MYO1D: variants seen among roughly 807,000 people sequenced by gnomAD.
MYO1D encodes myosin ID, also known as unconventional myosin-Id.
Under a neutral mutation model 122.0 loss-of-function variants are expected in MYO1D, and 83 were observed. The ratio of observed to expected loss-of-function variants is 0.68; its 90% CI spans 0.57 to 0.82. The LOEUF is 0.82. Among genes scored for constraint, MYO1D ranks in the 40% least tolerant of loss-of-function variants. The pLI is 0.00. For missense variants in MYO1D, 1,157 were observed against 1,269.5 expected, an observed-to-expected ratio of 0.91 and a Z score of 1.35; for synonymous variants, 464 against 446.9, an observed-to-expected ratio of 1.04 and a Z score of -0.48.
At chr17:32,642,251 T>C (rs2088212659) in intron 19 of MYO1D, among the ~76,000 whole-genome samples, 1 of 152,196 alleles carries the variant, frequency 6.6e-6, no homozygotes, top group Admixed American at 6.5e-5. Flanking sequence ...AGATGTGTGG[T>C]ATTATTTCTG....
At chr17:32,782,850 G>A (rs781197706) in intron 1 of MYO1D, among the ~76,000 whole-genome samples, 5 of 151,884 alleles carry the variant, frequency 3.3e-5, no homozygotes, top group Non-Finnish European at 7.4e-5. Flanking sequence ...CGGGAGGATC[G>A]GTTGAACCTG....
intron 21 of MYO1D, chr17:32,594,412 T>C: frequency 2.3e-6 from 1 of 428,636 alleles, no homozygotes; most frequent in Non-Finnish European, 4.2e-6. Flanking sequence ...ATTTACATTT[T>C]AAAATATCTT....
chr17:32,616,531 A>G (rs1468555679), intron 20 of MYO1D, among the ~76,000 whole-genome samples: 1 of 149,272 alleles, frequency 6.7e-6, no homozygotes, highest in Non-Finnish European at 1.5e-5. Context: ...TGTTGCCCAG[A>G]CTGGTCTTGA....
chr17:32,745,280 GA>G lies in MYO1D; in HGVS notation c.1543del (p.Ser515LeufsTer38). On this transcript the variant is annotated frameshift_variant, in exon 13 of 22. Coordinates refer to ENST00000318217, the MANE Select transcript of MYO1D (RefSeq NM_015194.3). LOFTEE classifies it high-confidence loss of function. ...ATTTTTGTCAATAAAACCAATGACAGAATAGCTAACAGGGAAAAATCACAGA... is the reference window on the plus strand; with the variant it reads ...ATTTTTGTCAATAAAACCAATGACAGATAGCTAACAGGGAAAAATCACAGA... Reference protein sequence around the residue: ...IRHYAGDVVYSVIGFIDKNKD... With the variant: ...IRHYAGDVVYXVIGFIDKNKD... 1.3e-6 allele frequency: 2 copies of G among 1,543,628 alleles called. No individual in the cohort carries two copies. The highest frequency in any genetic ancestry group is 1.8e-6 in the Non-Finnish European group (2 of 1,124,152).
At chr17:32,500,294 T>C (rs1365670845) in intron 21 of MYO1D, among the ~76,000 whole-genome samples, 1 of 152,166 alleles carries the variant, frequency 6.6e-6, no homozygotes, top group East Asian at 1.9e-4. Context: ...TGCAGCCTCA[T>C]GAATGAGGAA....
chr17:32,578,957 A>G (rs1412331172), intron 21 of MYO1D, among the ~76,000 whole-genome samples: 1 of 152,104 alleles, frequency 6.6e-6, no homozygotes, highest in Non-Finnish European at 1.5e-5. Flanking sequence ...TCATATCTAC[A>G]TACCTTTCTG....
chr17:32,723,681 G>A (rs1395725313), intron 14 of MYO1D, among the ~76,000 whole-genome samples: 1 of 152,060 alleles, frequency 6.6e-6, no homozygotes, highest in Non-Finnish European at 1.5e-5. Flanking sequence ...AGAAGCCCGG[G>A]ATTAAAGACT....
chr17:32,696,194 A>G (rs1469254659), intron 16 of MYO1D, among the ~76,000 whole-genome samples: 1 of 152,202 alleles, frequency 6.6e-6, no homozygotes, highest in African/African-American at 2.4e-5. Context: ...ACTTGCAGAC[A>G]AGAGAATATG....
intron 11 of MYO1D, among the ~76,000 whole-genome samples, chr17:32,749,593 G>T (rs1475629637): frequency 6.6e-6 from 1 of 152,036 alleles, no homozygotes; most frequent in Non-Finnish European, 1.5e-5. Context: ...TAGGCGTGGT[G>T]GTATGCATCT....
intron 14 of MYO1D, among the ~76,000 whole-genome samples, chr17:32,729,740 C>T (rs997288827): frequency 7.2e-5 from 11 of 151,956 alleles, no homozygotes; most frequent in Non-Finnish European, 1.6e-4. Flanking sequence ...GACTTGGGTA[C>T]CAAAGTTAGA....
intron 1 of MYO1D, among the ~76,000 whole-genome samples, chr17:32,852,000 C>T (rs956362021): frequency 3.3e-5 from 5 of 152,240 alleles, no homozygotes; most frequent in African/African-American, 9.6e-5. Flanking sequence ...CTGTTAGTTT[C>T]TCTCGTACCA....
chr17:32,636,848 T>C (rs1364602832), intron 20 of MYO1D, among the ~76,000 whole-genome samples: 2 of 152,216 alleles, frequency 1.3e-5, no homozygotes, highest in African/African-American at 2.4e-5. Context: ...TGAGGGCAGC[T>C]TTTTGACAAA....
intron 1 of MYO1D, among the ~76,000 whole-genome samples, chr17:32,860,937 G>A (rs561510309): frequency 6.6e-6 from 1 of 152,196 alleles, no homozygotes; most frequent in East Asian, 1.9e-4. Flanking sequence ...CCTCAAATCA[G>A]TGTTAGCCCA....
rs568932594 is a variant in MYO1D at position 32,859,810 on chromosome 17, A to C, written c.95+16968T>G. On this transcript the variant is annotated intron_variant, in intron 1 of 21. Transcript: ENST00000318217. ...GCTTGTAAAACTGTGTAGAGGAGGC[A>C]CTTTTGGTTGCCTATCCAATATCCT... Among the ~76,000 whole-genome samples, 51 of 151,722 alleles carry C rather than the reference A, an allele frequency of 3.4e-4. No individual in the cohort carries two copies. In the South Asian group the frequency reaches 6.3e-3, roughly 19 times the overall value.
At chr17:32,832,920 G>A (rs1212650681) in intron 1 of MYO1D, among the ~76,000 whole-genome samples, 2 of 152,296 alleles carry the variant, frequency 1.3e-5, no homozygotes, top group East Asian at 3.9e-4. Flanking sequence ...AAAACAATCT[G>A]AAATTTCTCC....
At chr17:32,630,229 T>A (rs2087986222) in intron 20 of MYO1D, among the ~76,000 whole-genome samples, 1 of 152,126 alleles carries the variant, frequency 6.6e-6, no homozygotes, top group African/African-American at 2.4e-5. Flanking sequence ...AGTATTCAGA[T>A]CTGTTTCTTT....
chr17:32,505,179 C>T (rs1309865445), intron 21 of MYO1D: 1 of 152,378 alleles, frequency 6.6e-6, no homozygotes, highest in African/African-American at 2.4e-5. Context: ...CTGCCATCGT[C>T]CCCAGAGCTT....
At chr17:32,632,296 T>C (rs2088018261) in intron 20 of MYO1D, 2 of 152,126 alleles carry the variant, frequency 1.3e-5, no homozygotes, top group Admixed American at 6.5e-5. Context: ...ATATGGCCTA[T>C]AGACATGTTT....
chr17:32,512,260 AC>A (rs1909721508), intron 21 of MYO1D, among the ~76,000 whole-genome samples: 1 of 151,946 alleles, frequency 6.6e-6, no homozygotes, highest in Non-Finnish European at 1.5e-5. Flanking sequence ...AGATGGCGCC[AC>A]TGCCTTCCAG....
Sources: gnomAD v4.1 joint callset for allele counts (sites outside exome capture counted in the v4.1 genomes callset) on GRCh38, gnomAD v4.1.1 for gene constraint, MANE v1.5 for transcripts, NCBI Gene and HGNC (gene_info 2026-07-23, HGNC 2026-07-21) for gene names.